Variants in MED12L observed in about 807,000 individuals in gnomAD.
MED12L encodes mediator of RNA polymerase II transcription subunit 12-like protein.
MED12L carries 60 observed loss-of-function variants against 281.3 expected under a neutral mutation model. The ratio of observed to expected loss-of-function variants is 0.21; its 90% CI spans 0.17 to 0.26. The LOEUF (loss-of-function observed/expected upper bound fraction) is 0.26, where lower values mean the gene tolerates loss of function less well. MED12L is among the 10% of genes least tolerant of loss of function. The pLI is 1.00. For synonymous variants in MED12L, 974 were observed against 987.2 expected, an observed-to-expected ratio of 0.99 and a Z score of 0.25; for missense variants, 2,146 against 2,680.9, an observed-to-expected ratio of 0.80 and a Z score of 4.41.
chr3:151,255,296 A>T (rs1258380114), intron 16 of MED12L, among the ~76,000 whole-genome samples: 2 of 152,136 alleles, frequency 1.3e-5, no homozygotes, highest in African/African-American at 4.8e-5. Flanking sequence ...ACTAATGGGT[A>T]CCCTTCATGT....
chr3:151,387,546 T>C (rs1259304803), intron 36 of MED12L, among the ~76,000 whole-genome samples: 1 of 152,178 alleles, frequency 6.6e-6, no homozygotes, highest in Non-Finnish European at 1.5e-5. Context: ...GAAATACACA[T>C]TAACAATAAA....
In MED12L at chr3:151,141,187, GTT is replaced by G. The variant is rs76965310; in HGVS notation, c.556+13215_556+13216del. 1.1e-4 allele frequency among the ~76,000 whole-genome samples: 11 copies of G among 99,118 alleles called. 1 individual carries two copies. The highest frequency in any genetic ancestry group is 6.9e-4 in the South Asian group (2 of 2,898). 65.0% of individuals were successfully genotyped at this position (99,118 alleles called of 152,430 possible). A position where few individuals can be genotyped will look rare whatever the true frequency, so the allele number is the denominator to read the frequency against. On this transcript the variant is annotated intron_variant, in intron 5 of 44. Coordinates refer to ENST00000687756, the MANE Select transcript of MED12L (RefSeq NM_001393769.1). ...TGGCGTTTTTTTTTTTGTTTTTTTT[GTT>G]TTTTTTTTTTTGTTAGTAGAGACGG...
chr3:151,268,668 T>G (rs770983766), intron 16 of MED12L, among the ~76,000 whole-genome samples: 1 of 152,234 alleles, frequency 6.6e-6, no homozygotes, highest in African/African-American at 2.4e-5. Flanking sequence ...ATAGAGCCTT[T>G]AGTAAGCTTT....
Position 151,192,685 on chromosome 3 carries a change from T to C in MED12L, c.2073+31T>C, listed in dbSNP as rs767996535. ...TTCAATCTTTGATTCTTATTGACAA[T>C]TAAGAATTAACCCGTTCCCATCCCA... On this transcript the variant is annotated intron_variant, in intron 15 of 44. Transcript: ENST00000687756. 14 of 1,336,436 alleles carry C rather than the reference T, an allele frequency of 1.0e-5. No homozygotes were observed. In the East Asian group the frequency reaches 1.5e-4, roughly 14 times the overall value. The allele number at this position is 1,336,436 out of a possible 1,614,324, so 82.8% of individuals were successfully genotyped here. A position where few individuals can be genotyped will look rare whatever the true frequency, so the allele number is the denominator to read the frequency against.
chr3:151,125,235 A>C (rs977614246), intron 4 of MED12L, among the ~76,000 whole-genome samples: 4 of 152,204 alleles, frequency 2.6e-5, no homozygotes, highest in Non-Finnish European at 4.4e-5. Context: ...AGATTTGACA[A>C]AATTATTAAT....
At chr3:151,118,159 T>TCA (rs1713158731) in intron 3 of MED12L, among the ~76,000 whole-genome samples, 1 of 152,002 alleles carries the variant, frequency 6.6e-6, no homozygotes, top group South Asian at 2.1e-4. Flanking sequence ...TTAGGGTTTT[T>TCA]TTTATATATA....
At chr3:151,109,726 C>T (rs963382520) in intron 2 of MED12L, among the ~76,000 whole-genome samples, 1 of 152,214 alleles carries the variant, frequency 6.6e-6, no homozygotes, top group Non-Finnish European at 1.5e-5. Flanking sequence ...TAATGTTAAA[C>T]ATATTTAAAA....
intron 7 of MED12L, among the ~76,000 whole-genome samples, chr3:151,159,333 C>T (rs1719692627): frequency 6.6e-6 from 1 of 152,176 alleles, no homozygotes; most frequent in Non-Finnish European, 1.5e-5. Flanking sequence ...GTGAACAGCA[C>T]TTCTCCCTTT....
chr3:151,157,228 A>G (rs544854056), intron 6 of MED12L, among the ~76,000 whole-genome samples: 67 of 152,070 alleles, frequency 4.4e-4, no homozygotes, highest in Non-Finnish European at 8.4e-4. Context: ...AGGAGTATTG[A>G]AATTAGAATT....
intron 2 of MED12L, among the ~76,000 whole-genome samples, chr3:151,105,905 G>C (rs961835619): frequency 6.6e-6 from 1 of 152,092 alleles, no homozygotes; most frequent in South Asian, 2.1e-4. Flanking sequence ...CCCAACATGG[G>C]GGAGATATAC....
chr3:151,133,030 T>C (rs1715619226), intron 5 of MED12L, among the ~76,000 whole-genome samples: 1 of 152,240 alleles, frequency 6.6e-6, no homozygotes, highest in African/African-American at 2.4e-5. Context: ...CTGGCATTGA[T>C]AGCAAAAAGA....
chr3:151,412,882 C>G (rs567306973), intron 41 of MED12L, among the ~76,000 whole-genome samples: 4 of 152,288 alleles, frequency 2.6e-5, no homozygotes, highest in African/African-American at 7.2e-5. Flanking sequence ...TAATATTCCT[C>G]GTTGTTAAAA....
At chr3:151,145,028 A>G (rs562714857) in intron 5 of MED12L, among the ~76,000 whole-genome samples, 1 of 152,336 alleles carries the variant, frequency 6.6e-6, no homozygotes, top group African/African-American at 2.4e-5. Context: ...GCTCTGTGCC[A>G]GTCACTGTTT....
rs531637206 is a variant in MED12L, at chr3:151,276,959, C to T, written c.2251-73100C>T. Among the ~76,000 whole-genome samples the T allele has an allele frequency of 5.3e-5, 8 of 152,224 alleles. No homozygotes were observed. In the South Asian group the frequency reaches 1.5e-3, roughly 28 times the overall value. ...TCGCCCAGACTGGAGTGCAGTGGCC[C>T]GATCTCAGCTCACCACAACCTCTGG... On this transcript the variant is annotated intron_variant, in intron 16 of 44. Coordinates refer to ENST00000687756, the MANE Select transcript of MED12L (RefSeq NM_001393769.1).
At chr3:151,095,257 G>C (rs1007784870) in intron 2 of MED12L, among the ~76,000 whole-genome samples, 4 of 152,192 alleles carry the variant, frequency 2.6e-5, no homozygotes, top group Non-Finnish European at 2.9e-5. Flanking sequence ...TTGGTAGCTT[G>C]AAATTGGCCA....
chr3:151,267,372 C>T (rs1325114345), intron 16 of MED12L, among the ~76,000 whole-genome samples: 1 of 152,106 alleles, frequency 6.6e-6, no homozygotes, highest in Non-Finnish European at 1.5e-5. Flanking sequence ...ATTTAAGTAG[C>T]TAATCACAAA....
chr3:151,297,800 A>G (rs1009543509), intron 16 of MED12L, among the ~76,000 whole-genome samples: 7 of 152,100 alleles, frequency 4.6e-5, no homozygotes, highest in Non-Finnish European at 8.8e-5. Flanking sequence ...TTGCCTAACA[A>G]TTATGGTTAT....
At chr3:151,318,787 G>A (rs3806637) in intron 16 of MED12L, among the ~76,000 whole-genome samples, 7 of 152,272 alleles carry the variant, frequency 4.6e-5, no homozygotes, top group East Asian at 3.9e-4. Flanking sequence ...TTCTAAGTGC[G>A]AAGAAGGGCT....
At chr3:151,131,546 G>T (rs1576792663) in intron 5 of MED12L, among the ~76,000 whole-genome samples, 2 of 152,312 alleles carry the variant, frequency 1.3e-5, no homozygotes, top group Admixed American at 6.5e-5. Context: ...AGTTGAGGCT[G>T]CAGTGAGCTG....
Sources: allele counts gnomAD v4.1 joint callset (sites outside exome capture counted in the v4.1 genomes callset), GRCh38; gene constraint gnomAD v4.1.1; transcripts MANE v1.5; gene names NCBI Gene and HGNC (gene_info 2026-07-23, HGNC 2026-07-21).